Variants in ZEB1 observed in about 807,000 individuals in gnomAD.
ZEB1 encodes zinc finger E-box binding homeobox 1.
ZEB1 carries 21 observed loss-of-function variants against 84.9 expected under a neutral mutation model. That is an observed-to-expected ratio of 0.25 (90% confidence interval 0.18 to 0.36). ZEB1 has a LOEUF of 0.36. Ranked by LOEUF, ZEB1 falls within the 10% of genes least tolerant of loss-of-function variation. The probability of loss-of-function intolerance (pLI) is 1.00; values close to 1 mark genes in which losing one functional copy is unlikely to be tolerated. For missense variants in ZEB1, 1,104 were observed against 1,330.2 expected (o/e 0.83, Z 2.65); for synonymous variants, 420 against 471.1 (o/e 0.89, Z 1.41).
At chr10:31,377,834 C>A (rs2046933721) in intron 1 of ZEB1, among the ~76,000 whole-genome samples, 1 of 151,548 alleles carries the variant, frequency 6.6e-6, no homozygotes, top group Non-Finnish European at 1.5e-5. Flanking sequence ...TTTGAATTAA[C>A]TTTTTATAAA....
At chr10:31,334,541 GA>G (rs199577755) in intron 1 of ZEB1, among the ~76,000 whole-genome samples, 3 of 151,732 alleles carry the variant, frequency 2.0e-5, no homozygotes, top group Non-Finnish European at 4.4e-5. Context: ...TTAAGAATTA[GA>G]AAAAAAGCAT....
intron 1 of ZEB1, among the ~76,000 whole-genome samples, chr10:31,328,343 G>T (rs1173570047): frequency 6.6e-6 from 1 of 152,164 alleles, no homozygotes; most frequent in Non-Finnish European, 1.5e-5. Flanking sequence ...TTCTCTGCAT[G>T]TAAATTGGAC....
At chr10:31,370,971 G>A (rs1269155046) in intron 1 of ZEB1, among the ~76,000 whole-genome samples, 1 of 152,080 alleles carries the variant, frequency 6.6e-6, no homozygotes. Flanking sequence ...TCCCCACCTT[G>A]ACCTCACAAA....
intron 1 of ZEB1, among the ~76,000 whole-genome samples, chr10:31,359,755 G>A (rs11008472): frequency 0.047 from 7,154 of 152,034 alleles, 384 homozygotes; most frequent in African/African-American, 0.12. Context: ...TAGCATCATT[G>A]GACATTCAGT....
intron 1 of ZEB1, among the ~76,000 whole-genome samples, chr10:31,409,139 GA>G (rs1175232093): frequency 6.6e-6 from 1 of 152,172 alleles, no homozygotes; most frequent in Non-Finnish European, 1.5e-5. Flanking sequence ...ACAAACACAT[GA>G]AAAAATGCTC....
chr10:31,444,263 T>C (rs1242366250), intron 1 of ZEB1, among the ~76,000 whole-genome samples: 22 of 114,722 alleles, frequency 1.9e-4, no homozygotes, highest in African/African-American at 7.3e-4. Flanking sequence ...TGGGGTTGTT[T>C]GTTTTTTTCT....
Position 31,521,070 on chromosome 10 carries a change from G to C in ZEB1, c.1738G>C (p.Asp580His), listed in dbSNP as rs1022105607. ...GTCCTCTGTTTCATCAGCTACTGGAGATGGCAATTTGTCTCCTAGTCAGCC... is the reference window on the plus strand; with the variant it reads ...GTCCTCTGTTTCATCAGCTACTGGACATGGCAATTTGTCTCCTAGTCAGCC... ...PESSVSSATG[D>H]GNLSPSQPPL... Residue 580 changes from aspartate to histidine, a missense_variant, in exon 7 of 9, where the codon GAT (aspartate) becomes CAT (histidine). Physicochemically the swap from Asp to His is moderately conservative, Grantham distance 81. Around this residue, in one of 7 missense-constraint regions of ZEB1, gnomAD observed 531 missense variants for 575.2 expected, o/e 0.92. Coordinates refer to ENST00000424869, the MANE Select transcript of ZEB1 (RefSeq NM_001174096.2). 1 of 1,613,958 alleles carries C rather than the reference G, an allele frequency of 6.2e-7. No individual in the cohort carries two copies.
At chr10:31,390,082 G>T (rs1223278894) in intron 1 of ZEB1, among the ~76,000 whole-genome samples, 2 of 152,124 alleles carry the variant, frequency 1.3e-5, no homozygotes, top group African/African-American at 4.8e-5. Context: ...AACAAAACAG[G>T]ATGTCCAGTG....
chr10:31,370,705 A>G (rs1232648004), intron 1 of ZEB1, among the ~76,000 whole-genome samples: 2 of 152,212 alleles, frequency 1.3e-5, no homozygotes, highest in Non-Finnish European at 2.9e-5. Flanking sequence ...ATAAAATTGT[A>G]TCTCTTTCTA....
At chr10:31,375,669 G>A (rs747492321) in intron 1 of ZEB1, among the ~76,000 whole-genome samples, 64 of 151,676 alleles carry the variant, frequency 4.2e-4, no homozygotes, top group Non-Finnish European at 5.6e-4. Context: ...GGAGTGTAAT[G>A]GCTTTTGTTT....
intron 2 of ZEB1, among the ~76,000 whole-genome samples, chr10:31,478,842 G>A (rs756219845): frequency 6.6e-6 from 1 of 151,722 alleles, no homozygotes; most frequent in Non-Finnish European, 1.5e-5. Context: ...AATATCAGAC[G>A]TTGGAGACTC....
At chr10:31,325,975 T>C (rs2133099419) in intron 1 of ZEB1, among the ~76,000 whole-genome samples, 1 of 151,172 alleles carries the variant, frequency 6.6e-6, no homozygotes. Context: ...GGGTTTTTTT[T>C]TTTTTTTTTA....
chr10:31,363,344 C>T (rs549081227), intron 1 of ZEB1: 2 of 1,534,200 alleles, frequency 1.3e-6, no homozygotes, highest in African/African-American at 2.7e-5. Context: ...ACTCCATGGC[C>T]CTTGGAGTAG....
intron 2 of ZEB1, among the ~76,000 whole-genome samples, chr10:31,466,296 A>G (rs2062413654): frequency 6.6e-6 from 1 of 152,240 alleles, no homozygotes; most frequent in Admixed American, 6.5e-5. Context: ...TCCATTCAAC[A>G]GTAGCAGAAT....
intron 1 of ZEB1, among the ~76,000 whole-genome samples, chr10:31,453,644 C>T (rs1419398541): frequency 6.6e-6 from 1 of 152,110 alleles, no homozygotes; most frequent in African/African-American, 2.4e-5. Context: ...CGCAAATAAA[C>T]TAGAAAATCT....
At chr10:31,354,965 G>A (rs1368504039) in intron 1 of ZEB1, among the ~76,000 whole-genome samples, 2 of 152,222 alleles carry the variant, frequency 1.3e-5, no homozygotes, top group East Asian at 3.9e-4. Flanking sequence ...TTCACACAGA[G>A]ATACAATAAT....
chr10:31,463,733 G>A (rs1170108160), intron 2 of ZEB1, among the ~76,000 whole-genome samples: 2 of 152,138 alleles, frequency 1.3e-5, no homozygotes, highest in Non-Finnish European at 2.9e-5. Flanking sequence ...TTGCTGTGTA[G>A]CCTGAAAAAT....
intron 1 of ZEB1, among the ~76,000 whole-genome samples, chr10:31,409,186 C>G (rs569688158): frequency 1.4e-4 from 21 of 152,240 alleles, no homozygotes; most frequent in African/African-American, 4.8e-4. Context: ...CAAATCAAAA[C>G]CACAATGAGA....
intron 1 of ZEB1, among the ~76,000 whole-genome samples, chr10:31,441,273 G>C (rs1265392908): frequency 6.6e-6 from 1 of 152,078 alleles, no homozygotes; most frequent in Non-Finnish European, 1.5e-5. Flanking sequence ...ACCATCTGAT[G>C]TTTGACAAAC....
Sources: allele counts gnomAD v4.1 joint callset (sites outside exome capture counted in the v4.1 genomes callset), GRCh38; gene constraint gnomAD v4.1.1; regional missense constraint gnomAD v4.1.1; transcripts MANE v1.5; gene names NCBI Gene and HGNC (gene_info 2026-07-23, HGNC 2026-07-21).